Variants in CCSER1 observed in about 807,000 individuals in gnomAD.
The protein encoded by CCSER1 is serine-rich coiled-coil domain-containing protein 1.
CCSER1 carries 41 observed loss-of-function variants against 82.0 expected under a neutral mutation model. The observed-to-expected ratio is 0.50, with a 90% CI of 0.39 to 0.65. CCSER1 has a LOEUF of 0.65. Among genes scored for constraint, CCSER1 ranks in the 30% least tolerant of loss-of-function variants. CCSER1 has a pLI of 0.00. For missense variants in CCSER1, 1,119 were observed against 1,064.2 expected, an observed-to-expected ratio of 1.05 and a Z score of -0.72; for synonymous variants, 414 against 383.9, an observed-to-expected ratio of 1.08 and a Z score of -0.92.
intron 10 of CCSER1, among the ~76,000 whole-genome samples, chr4:91,116,630 T>G (rs1327367015): frequency 6.6e-6 from 1 of 152,114 alleles, no homozygotes; most frequent in Non-Finnish European, 1.5e-5. Flanking sequence ...TGTAAATGCT[T>G]TGGAGATGGT....
chr4:91,379,706 A>T (rs1750723234), intron 10 of CCSER1, among the ~76,000 whole-genome samples: 1 of 152,092 alleles, frequency 6.6e-6, no homozygotes, highest in South Asian at 2.1e-4. Flanking sequence ...CAGGTCCTGG[A>T]TTCATTGATT....
At chr4:90,735,149 A>G (rs1561041212) in intron 7 of CCSER1, among the ~76,000 whole-genome samples, 1 of 152,144 alleles carries the variant, frequency 6.6e-6, no homozygotes, top group Non-Finnish European at 1.5e-5. Context: ...ATGTTAAACC[A>G]GGCTTGTATC....
At chr4:91,539,847 G>C (rs902741396) in intron 10 of CCSER1, among the ~76,000 whole-genome samples, 17 of 151,946 alleles carry the variant, frequency 1.1e-4, no homozygotes, top group African/African-American at 3.6e-4. Context: ...TTAGTGCACA[G>C]CTTATTGAAT....
rs57883763 is a variant in CCSER1 at position 91,506,313 on chromosome 4, C to T, written c.2218-92259C>T. On this transcript the variant is annotated intron_variant, in intron 10 of 10. Coordinates refer to ENST00000509176, the MANE Select transcript of CCSER1 (RefSeq NM_001145065.2). Reference sequence around the variant, plus strand: ...CTATGTGTCTGTTTTTGTACCAGTACCATGTTGTTTTGGCTACCGTAGCCT... The same window carrying T: ...CTATGTGTCTGTTTTTGTACCAGTATCATGTTGTTTTGGCTACCGTAGCCT... 1.1e-3 allele frequency among the ~76,000 whole-genome samples: 166 copies of T among 152,122 alleles called. 1 individual carries two copies. Among genetic ancestry groups the T allele is most frequent in the African/African-American group, 3.8e-3 (158 of 41,492 alleles).
At chr4:90,875,140 G>A (rs923861559) in intron 8 of CCSER1, among the ~76,000 whole-genome samples, 6 of 152,034 alleles carry the variant, frequency 3.9e-5, no homozygotes, top group Non-Finnish European at 5.9e-5. Context: ...GTATGTTCCC[G>A]AGTGCTTGAG....
At chr4:90,577,312 A>C (rs1438670940) in intron 5 of CCSER1, among the ~76,000 whole-genome samples, 4 of 152,032 alleles carry the variant, frequency 2.6e-5, no homozygotes, top group African/African-American at 9.7e-5. Context: ...CTAAGGTAAA[A>C]CTCATAAAAA....
intron 10 of CCSER1, among the ~76,000 whole-genome samples, chr4:91,375,023 C>G (rs1750307227): frequency 6.6e-6 from 1 of 152,108 alleles, no homozygotes. Flanking sequence ...TTTTGTAAGG[C>G]TATAGCTGCC....
intron 9 of CCSER1, among the ~76,000 whole-genome samples, chr4:90,994,903 A>G (rs1737358443): frequency 6.6e-6 from 1 of 152,164 alleles, no homozygotes; most frequent in Admixed American, 6.6e-5. Flanking sequence ...ATGACCATAT[A>G]TATTCAGGTT....
At chr4:90,337,801 A>T (rs1740689154) in intron 3 of CCSER1, among the ~76,000 whole-genome samples, 1 of 152,112 alleles carries the variant, frequency 6.6e-6, no homozygotes, top group Non-Finnish European at 1.5e-5. Context: ...AAATAAAATA[A>T]TTTTTTAGAA....
intron 6 of CCSER1, among the ~76,000 whole-genome samples, chr4:90,667,584 C>A (rs544509932): frequency 6.6e-6 from 1 of 152,206 alleles, no homozygotes; most frequent in South Asian, 2.1e-4. Flanking sequence ...CGAGTGAGAG[C>A]ATGAAGTGTT....
intron 6 of CCSER1, among the ~76,000 whole-genome samples, chr4:90,694,565 GT>G (rs1302918187): frequency 1.3e-5 from 2 of 152,030 alleles, no homozygotes; most frequent in African/African-American, 4.8e-5. Context: ...GCTAGTGAAT[GT>G]TTTGTGCAAT....
At chr4:91,031,963 C>T (rs1741020350) in intron 9 of CCSER1, among the ~76,000 whole-genome samples, 1 of 151,984 alleles carries the variant, frequency 6.6e-6, no homozygotes, top group Non-Finnish European at 1.5e-5. Flanking sequence ...ATGTTGCATT[C>T]TAAGTAACAG....
intron 6 of CCSER1, among the ~76,000 whole-genome samples, chr4:90,701,719 T>A (rs1436637277): frequency 2.0e-5 from 3 of 152,218 alleles, no homozygotes; most frequent in African/African-American, 7.2e-5. Context: ...CTAGGTATTT[T>A]ATTCTCTTTG....
intron 9 of CCSER1, among the ~76,000 whole-genome samples, chr4:91,076,606 C>G (rs968797726): frequency 6.6e-6 from 1 of 151,908 alleles, no homozygotes; most frequent in African/African-American, 2.4e-5. Context: ...ATTTTGTAAA[C>G]TTTAATTTCC....
intron 9 of CCSER1, among the ~76,000 whole-genome samples, chr4:91,042,240 C>A (rs1253690884): frequency 2.0e-5 from 3 of 152,146 alleles, no homozygotes; most frequent in Non-Finnish European, 4.4e-5. Context: ...CTCACGAGGT[C>A]TGTTGGCTTT....
intron 10 of CCSER1, among the ~76,000 whole-genome samples, chr4:91,258,861 T>C (rs891579724): frequency 3.3e-5 from 5 of 152,134 alleles, no homozygotes; most frequent in African/African-American, 1.2e-4. Context: ...AAGTAACTTG[T>C]CCATGGTCAT....
intron 5 of CCSER1, among the ~76,000 whole-genome samples, chr4:90,551,700 C>CTATATATATATA (rs1226739623): frequency 3.4e-5 from 4 of 117,180 alleles, no homozygotes; most frequent in African/African-American, 1.7e-4. Flanking sequence ...CTCTCTCTCT[C>CTATATATATATA]TCTCTCTATA....
At chr4:90,669,134 A>G (rs1412331793) in intron 6 of CCSER1, among the ~76,000 whole-genome samples, 1 of 152,052 alleles carries the variant, frequency 6.6e-6, no homozygotes, top group South Asian at 2.1e-4. Context: ...CCAATAATGA[A>G]TATTTTAGAA....
intron 1 of CCSER1, among the ~76,000 whole-genome samples, chr4:90,306,487 T>C (rs1374508771): frequency 3.9e-5 from 6 of 152,154 alleles, no homozygotes; most frequent in African/African-American, 1.4e-4. Context: ...ATAAAATCAA[T>C]TTTTAAAATT....
Sources: allele counts gnomAD v4.1 joint callset (sites outside exome capture counted in the v4.1 genomes callset), GRCh38; gene constraint gnomAD v4.1.1; transcripts MANE v1.5; gene names NCBI Gene and HGNC (gene_info 2026-07-23, HGNC 2026-07-21).